ATP10B: variants seen among roughly 807,000 people sequenced by gnomAD.
The protein encoded by ATP10B is ATPase phospholipid transporting 10B (putative), also known as phospholipid-transporting ATPase VB.
A neutral mutation model predicts 141.2 loss-of-function variants in ATP10B; 122 were observed. That is an observed-to-expected ratio of 0.86 (90% CI 0.75 to 1.00). The LOEUF is 1.00. ATP10B is among the 50% of genes least tolerant of loss of function. The pLI, the probability that ATP10B is intolerant of heterozygous loss-of-function variation, is 0.00. For synonymous variants in ATP10B, 685 were observed against 692.0 expected (o/e 0.99, Z 0.16); for missense variants, 1,876 against 1,825.3 (o/e 1.03, Z -0.51).
chr5:160,919,598 A>G, the ATP10B span, among the ~76,000 whole-genome samples: 6 of 152,322 alleles, frequency 3.9e-5, no homozygotes, highest in South Asian at 6.2e-4. Context: ...TCAGATTTGT[A>G]TTTTGAAAAG....
At chr5:160,783,404 A>C (rs1770867493) in intron 2 of ATP10B, among the ~76,000 whole-genome samples, 1 of 130,238 alleles carries the variant, frequency 7.7e-6, no homozygotes, top group Non-Finnish European at 1.6e-5. Flanking sequence ...TGTGATGGAT[A>C]TATCTATCCA....
chr5:160,612,487 G>T, intron 18 of ATP10B: 1 of 317,580 alleles, frequency 3.1e-6, no homozygotes, highest in Non-Finnish European at 5.8e-6. Flanking sequence ...TAGAATTTGG[G>T]AGAGGTAAAA....
intron 2 of ATP10B, among the ~76,000 whole-genome samples, chr5:160,770,865 A>G (rs996207410): frequency 3.9e-5 from 6 of 152,220 alleles, no homozygotes; most frequent in African/African-American, 1.4e-4. Flanking sequence ...AAAAATAATG[A>G]AGGTGTTACT....
intron 2 of ATP10B, among the ~76,000 whole-genome samples, chr5:160,776,301 G>T (rs1463491836): frequency 6.6e-6 from 1 of 152,144 alleles, no homozygotes; most frequent in Non-Finnish European, 1.5e-5. Flanking sequence ...TGCTACTTTT[G>T]GTCTTGGGCA....
rs147333148 is a variant in ATP10B at position 160,697,632 on chromosome 5, G to A, written c.-204-8689C>T. On this transcript the variant is annotated intron_variant, in intron 3 of 25. Coordinates refer to ENST00000327245, the MANE Select transcript of ATP10B (RefSeq NM_025153.3). ...GGGGTGGGGATTGTTGTCTTTGGTT[G>A]GTAAAAGTGGGGACTAGTGGAAAAG... Among the ~76,000 whole-genome samples, 62 of 152,072 alleles carry A rather than the reference G, an allele frequency of 4.1e-4. No homozygotes were observed. The East Asian group carries it at 0.011, about 27-fold the overall frequency.
chr5:160,639,239 A>T (rs553321402), intron 10 of ATP10B: 36 of 152,438 alleles, frequency 2.4e-4, no homozygotes, highest in African/African-American at 8.7e-4. Context: ...TCTTCAAGAA[A>T]GACTTTCCTC....
the ATP10B span, among the ~76,000 whole-genome samples, chr5:160,892,876 T>C: frequency 2.0e-5 from 3 of 152,254 alleles, no homozygotes; most frequent in South Asian, 6.2e-4. Context: ...AGTTAGACAG[T>C]TGGTGCAGTC....
chr5:160,859,484 T>G, the ATP10B span, among the ~76,000 whole-genome samples: 6 of 151,848 alleles, frequency 4.0e-5, no homozygotes, highest in African/African-American at 7.2e-5. Context: ...AATCTGTAAA[T>G]TCAAAGCACA....
intron 16 of ATP10B, among the ~76,000 whole-genome samples, chr5:160,617,189 TG>T (rs1362881652): frequency 6.6e-6 from 1 of 152,238 alleles, no homozygotes; most frequent in African/African-American, 2.4e-5. Context: ...CCATTAGCTT[TG>T]CTTTTGGGTG....
intron 1 of ATP10B, among the ~76,000 whole-genome samples, chr5:160,845,773 G>A (rs771300700): frequency 6.6e-6 from 1 of 151,790 alleles, no homozygotes; most frequent in Non-Finnish European, 1.5e-5. Context: ...CTATGAGGAC[G>A]GTCACCATGT....
Position 160,636,960 on chromosome 5 carries a change from C to A in ATP10B, c.1001-651G>T, listed in dbSNP as rs1021920016. Among the ~76,000 whole-genome samples the A allele has an allele frequency of 2.0e-5, 3 of 151,400 alleles. No individual in the cohort carries two copies. The South Asian group carries it at 6.3e-4, about 32-fold the overall frequency. ...TCCATCCACCCATCTACTCACCCAT[C>A]TATCCATCCATCAATCCCTCCATCC... On this transcript the variant is annotated intron_variant, in intron 10 of 25. Coordinates refer to ENST00000327245, the MANE Select transcript of ATP10B (RefSeq NM_025153.3).
At chr5:160,725,955 A>C (rs750301118) in intron 2 of ATP10B, among the ~76,000 whole-genome samples, 5 of 150,306 alleles carry the variant, frequency 3.3e-5, no homozygotes, top group Admixed American at 6.6e-5. Context: ...GTAGTCAGGG[A>C]GTAGTATGGG....
chr5:160,923,179 A>G, the ATP10B span, among the ~76,000 whole-genome samples: 1 of 152,204 alleles, frequency 6.6e-6, no homozygotes, highest in Non-Finnish European at 1.5e-5. Context: ...GGGCAGCTTG[A>G]CAAGGCTTGA....
chr5:160,774,979 T>G (rs977337110), intron 2 of ATP10B, among the ~76,000 whole-genome samples: 2 of 152,242 alleles, frequency 1.3e-5, no homozygotes, highest in African/African-American at 4.8e-5. Context: ...ATTTTACTTA[T>G]GCCAGCATCG....
the ATP10B span, among the ~76,000 whole-genome samples, chr5:160,893,701 C>A: frequency 1.3e-5 from 2 of 152,204 alleles, no homozygotes; most frequent in African/African-American, 2.4e-5. Context: ...CTGCTCAGGA[C>A]AGACTGCTTC....
At chr5:160,605,749 C>T (rs1757349213) in intron 19 of ATP10B, among the ~76,000 whole-genome samples, 5 of 152,152 alleles carry the variant, frequency 3.3e-5, no homozygotes, top group Non-Finnish European at 7.4e-5. Context: ...AGGCTGGCAC[C>T]ATCTGTAAGA....
intron 2 of ATP10B, among the ~76,000 whole-genome samples, chr5:160,759,623 C>T (rs1437957376): frequency 6.6e-6 from 1 of 152,146 alleles, no homozygotes; most frequent in Non-Finnish European, 1.5e-5. Context: ...TTTATAGACA[C>T]CTATGGCAAT....
rs372813742 is a variant in ATP10B, at chr5:160,750,222, A to G, written c.-330-33188T>C. Among the ~76,000 whole-genome samples the G allele has an allele frequency of 2.8e-4, 43 of 152,336 alleles. 1 individual carries two copies. The highest frequency in any genetic ancestry group is 9.9e-4 in the African/African-American group (41 of 41,590). Reference sequence around the variant, plus strand: ...CCTAAGCTAAACATGTCATCTTCTCATAGTAGTCCATGACACCTGTTTCAG... The same window carrying G: ...CCTAAGCTAAACATGTCATCTTCTCGTAGTAGTCCATGACACCTGTTTCAG... On this transcript the variant is annotated intron_variant, in intron 2 of 25. Transcript: ENST00000327245.
At chr5:160,924,223 A>G in the ATP10B span, among the ~76,000 whole-genome samples, 1 of 152,222 alleles carries the variant, frequency 6.6e-6, no homozygotes, top group African/African-American at 2.4e-5. Flanking sequence ...CATTCAGGCA[A>G]TAGGAGTTTG....
Sources: allele counts gnomAD v4.1 joint callset (sites outside exome capture counted in the v4.1 genomes callset), GRCh38; gene constraint gnomAD v4.1.1; transcripts MANE v1.5; gene names NCBI Gene and HGNC (gene_info 2026-07-23, HGNC 2026-07-21).